CXADR: variants seen among roughly 807,000 people sequenced by gnomAD.
The protein encoded by CXADR is CXADR cell adhesion molecule.
Under a neutral mutation model 40.3 loss-of-function variants are expected in CXADR, and 20 were observed. The observed-to-expected ratio is 0.50, with a 90% CI of 0.35 to 0.72. The LOEUF (loss-of-function observed/expected upper bound fraction) is 0.72. CXADR is among the 30% of genes least tolerant of loss of function. The pLI, the probability that CXADR is intolerant of heterozygous loss-of-function variation, is 0.01. For missense variants in CXADR, 332 were observed against 449.1 expected (o/e 0.74, Z 2.36); for synonymous variants, 150 against 161.3 (o/e 0.93, Z 0.53).
the CXADR span, among the ~76,000 whole-genome samples, chr21:17,621,442 C>T: frequency 7.9e-5 from 12 of 152,154 alleles, no homozygotes; most frequent in Non-Finnish European, 1.3e-4. Context: ...GCATTGGGAA[C>T]AGTGCACACA....
At chr21:17,616,290 C>T in the CXADR span, among the ~76,000 whole-genome samples, 40 of 150,614 alleles carry the variant, frequency 2.7e-4, no homozygotes, top group African/African-American at 9.0e-4. Context: ...TCTTGGGTAC[C>T]ATCTTCTCAA....
chr21:17,545,072 GTTTTTTT>G (rs869189508), intron 1 of CXADR, among the ~76,000 whole-genome samples: 2 of 55,442 alleles, frequency 3.6e-5, no homozygotes, highest in Non-Finnish European at 3.3e-5. Flanking sequence ...GCTCTAATGT[GTTTTTTT>G]TTTTTTTTTT....
chr21:17,576,280 T>C (rs907121436), intron 7 of CXADR, among the ~76,000 whole-genome samples: 49 of 151,850 alleles, frequency 3.2e-4, no homozygotes, highest in African/African-American at 1.1e-3. Flanking sequence ...GCTTGGGAGA[T>C]AGCCAGCTCT....
chr21:17,629,217 T>C, the CXADR span, among the ~76,000 whole-genome samples: 24 of 151,606 alleles, frequency 1.6e-4, no homozygotes, highest in African/African-American at 5.6e-4. Context: ...CCATTTCTAC[T>C]AAAAATACAA....
intron 4 of CXADR, among the ~76,000 whole-genome samples, chr21:17,559,890 A>C (rs570882319): frequency 6.8e-6 from 1 of 147,574 alleles, no homozygotes; most frequent in South Asian, 2.2e-4. Context: ...TGTTGCCCAC[A>C]CTGGTCTCAA....
rs1491548660 is a variant in CXADR at position 17,559,668 on chromosome 21, G to GTTTTTTTTT, written c.571+537_571+538insTTTTTTTTT. On this transcript the variant is annotated intron_variant, in intron 4 of 6. Transcript: ENST00000284878. ...TTAGTTACTTTGGTACTTTTTTTTG[G>GTTTTTTTTT]GTTTTTTTTTTTTTTTTTTTTTTCC... 3.8e-5 allele frequency among the ~76,000 whole-genome samples: 4 copies of GTTTTTTTTT among 106,208 alleles called. 1 individual carries two copies. Among genetic ancestry groups the GTTTTTTTTT allele is most frequent in the African/African-American group, 3.8e-5 (1 of 26,576 alleles). 69.7% of individuals were successfully genotyped at this position (106,208 alleles called of 152,430 possible). A position where few individuals can be genotyped will look rare whatever the true frequency, so the allele number is the denominator to read the frequency against.
At chr21:17,628,809 C>G in the CXADR span, among the ~76,000 whole-genome samples, 1 of 152,078 alleles carries the variant, frequency 6.6e-6, no homozygotes, top group Non-Finnish European at 1.5e-5. Flanking sequence ...GGCCAATGTC[C>G]CAGTTCTTAG....
At chr21:17,549,732 C>G (rs929438714) in intron 2 of CXADR, among the ~76,000 whole-genome samples, 2 of 152,172 alleles carry the variant, frequency 1.3e-5, no homozygotes, top group African/African-American at 4.8e-5. Flanking sequence ...ATTTCTCAAG[C>G]CCCCCTTAAA....
intron 1 of CXADR, among the ~76,000 whole-genome samples, chr21:17,543,386 A>C (rs918687278): frequency 3.9e-5 from 6 of 152,230 alleles, no homozygotes; most frequent in Non-Finnish European, 7.3e-5. Context: ...TACTGAGAAC[A>C]TGAATTTGGG....
At chr21:17,583,682 A>G (rs2061376054) in intron 7 of CXADR, among the ~76,000 whole-genome samples, 1 of 152,206 alleles carries the variant, frequency 6.6e-6, no homozygotes, top group Non-Finnish European at 1.5e-5. Context: ...AATGTTAACT[A>G]AGAAATAAAT....
At chr21:17,589,346 C>G (rs1028989217) in intron 7 of CXADR, among the ~76,000 whole-genome samples, 1 of 152,062 alleles carries the variant, frequency 6.6e-6, no homozygotes, top group Non-Finnish European at 1.5e-5. Flanking sequence ...CTGATGGCAG[C>G]ATTTGCATCT....
At chr21:17,579,167 G>A (rs955552577) in intron 7 of CXADR, among the ~76,000 whole-genome samples, 1 of 152,146 alleles carries the variant, frequency 6.6e-6, no homozygotes, top group Non-Finnish European at 1.5e-5. Context: ...GGAAAGAAGG[G>A]GCCAAGATAA....
chr21:17,596,125 T>A (rs572843386), downstream of CXADR, among the ~76,000 whole-genome samples: 2 of 152,024 alleles, frequency 1.3e-5, no homozygotes, highest in Non-Finnish European at 2.9e-5. Context: ...TTATTTTTCA[T>A]TGAATCATTT....
At chr21:17,588,393 ATCC>A (rs1317411312) in intron 7 of CXADR, among the ~76,000 whole-genome samples, 1 of 152,058 alleles carries the variant, frequency 6.6e-6, no homozygotes, top group Non-Finnish European at 1.5e-5. Flanking sequence ...GTTTGTTTGT[ATCC>A]TCTTTTATTT....
At chr21:17,591,252 T>C (rs1401143467) in intron 7 of CXADR, among the ~76,000 whole-genome samples, 8 of 152,042 alleles carry the variant, frequency 5.3e-5, no homozygotes, top group Non-Finnish European at 8.8e-5. Context: ...CTGGAATCCT[T>C]ATCTAACTGG....
the CXADR span, among the ~76,000 whole-genome samples, chr21:17,633,887 TTGTC>T: frequency 1.3e-5 from 2 of 152,230 alleles, no homozygotes; most frequent in Admixed American, 6.5e-5. Context: ...GTTTTATACT[TTGTC>T]TGACTCCCAT....
At chr21:17,582,363 A>G (rs1263642361) in intron 7 of CXADR, among the ~76,000 whole-genome samples, 2 of 152,054 alleles carry the variant, frequency 1.3e-5, no homozygotes, top group Non-Finnish European at 2.9e-5. Context: ...TTGACCCGCA[A>G]CTTTTCCCCT....
chr21:17,591,000 CAATA>C (rs1011711044), intron 7 of CXADR, among the ~76,000 whole-genome samples: 9 of 151,986 alleles, frequency 5.9e-5, no homozygotes, highest in African/African-American at 1.7e-4. Context: ...AGTGGTTAAT[CAATA>C]GATACTTTAA....
At chr21:17,606,371 C>T in the CXADR span, among the ~76,000 whole-genome samples, 1 of 152,060 alleles carries the variant, frequency 6.6e-6, no homozygotes, top group South Asian at 2.1e-4. Flanking sequence ...CCTATCTTAG[C>T]GTCACCATTA....
Sources: allele counts gnomAD v4.1 joint callset (sites outside exome capture counted in the v4.1 genomes callset), GRCh38; gene constraint gnomAD v4.1.1; transcripts MANE v1.5; gene names NCBI Gene and HGNC (gene_info 2026-07-23, HGNC 2026-07-21).